STK32B: variants seen among roughly 807,000 people sequenced by gnomAD.
STK32B encodes the protein serine/threonine-protein kinase 32B.
A neutral mutation model predicts 52.6 loss-of-function variants in STK32B; 43 were observed. That is an observed-to-expected ratio of 0.82 (90% CI 0.64 to 1.05). STK32B has a LOEUF of 1.05. Ranked by LOEUF, STK32B falls within the 50% of genes least tolerant of loss-of-function variation. The pLI, the probability that STK32B is intolerant of heterozygous loss-of-function variation, is 0.00. For synonymous variants in STK32B, 238 were observed against 204.3 expected (o/e 1.17, Z -1.41); for missense variants, 621 against 534.6 (o/e 1.16, Z -1.59).
chr4:5,138,653 G>T (rs1716222011), intron 1 of STK32B, among the ~76,000 whole-genome samples: 1 of 152,184 alleles, frequency 6.6e-6, no homozygotes. Flanking sequence ...TTAGAGTCTA[G>T]TAGGGAAAAG....
chr4:5,449,976 A>G (rs916223281), intron 7 of STK32B, among the ~76,000 whole-genome samples: 4 of 152,162 alleles, frequency 2.6e-5, no homozygotes, highest in Admixed American at 6.5e-5. Flanking sequence ...GTGTAGAATA[A>G]ATGTAATGCA....
In STK32B at chr4:5,457,620, C is replaced by T. The variant is rs148702857; in HGVS notation, c.783+697C>T. On this transcript the variant is annotated intron_variant, in intron 8 of 11. Coordinates refer to ENST00000282908, the MANE Select transcript of STK32B (RefSeq NM_018401.3). ...CAGTGTCTCACGCCTGTAATTCCAG[C>T]ACTTTGGGAGGCTGAGGTGGGTGGA... is the stretch of plus-strand genomic sequence containing the variant. Among the ~76,000 whole-genome samples, 872 of 151,392 alleles carry T rather than the reference C, an allele frequency of 5.8e-3. 17 individuals are homozygous for T. The highest frequency in any genetic ancestry group is 0.036 in the Admixed American group (548 of 15,230).
chr4:5,292,806 G>A (rs1577303098), intron 3 of STK32B, among the ~76,000 whole-genome samples: 1 of 151,936 alleles, frequency 6.6e-6, no homozygotes, highest in South Asian at 2.1e-4. Flanking sequence ...TAAGTTCTGG[G>A]ATACATGTGC....
Position 5,398,771 on chromosome 4 carries a change from C to G in STK32B, c.472+527C>G, listed in dbSNP as rs1737090643. Among the ~76,000 whole-genome samples the G allele has an allele frequency of 6.6e-6, 1 of 152,134 alleles. No individual in the cohort carries two copies. The highest frequency in any genetic ancestry group is 2.4e-5 in the African/African-American group (1 of 41,388). On this transcript the variant is annotated intron_variant, in intron 5 of 11. Transcript: ENST00000282908. The surrounding 1 kb of genome is among the most constrained non-coding windows in gnomAD (Gnocchi z 4.9). ...AAATTTCCTTTATGTGCACACAGAT[C>G]TCCTAGGCATCTTCTCAAACTGATT...
At chr4:5,249,489 T>G (rs9996822) in intron 3 of STK32B, among the ~76,000 whole-genome samples, 2 of 123,000 alleles carry the variant, frequency 1.6e-5, no homozygotes, top group African/African-American at 7.2e-5. Context: ...CTTCCTTCCT[T>G]CCTTCCTTCC....
At chr4:5,171,366 A>G (rs1185531976) in intron 3 of STK32B, among the ~76,000 whole-genome samples, 1 of 151,592 alleles carries the variant, frequency 6.6e-6, no homozygotes, top group African/African-American at 2.4e-5. Flanking sequence ...GGTGTTTTAG[A>G]CATGAAGTCC....
chr4:5,284,649 G>GT (rs1728428955), intron 3 of STK32B, among the ~76,000 whole-genome samples: 1 of 151,636 alleles, frequency 6.6e-6, no homozygotes, highest in African/African-American at 2.4e-5. Flanking sequence ...AAAACTCACT[G>GT]TAACACATAC....
At chr4:5,332,305 C>T (rs758050056) in intron 4 of STK32B, among the ~76,000 whole-genome samples, 13 of 151,942 alleles carry the variant, frequency 8.6e-5, no homozygotes, top group Non-Finnish European at 1.6e-4. Flanking sequence ...GTAGAGTGAT[C>T]GATGACTTAG....
intron 3 of STK32B, among the ~76,000 whole-genome samples, chr4:5,176,664 A>G (rs1719928670): frequency 6.6e-6 from 1 of 151,856 alleles, no homozygotes; most frequent in African/African-American, 2.4e-5. Flanking sequence ...GGCTGGTCTC[A>G]AGCTCCTGAC....
At chr4:5,345,817 A>G (rs1368452191) in intron 4 of STK32B, among the ~76,000 whole-genome samples, 1 of 152,264 alleles carries the variant, frequency 6.6e-6, no homozygotes, top group African/African-American at 2.4e-5. Context: ...GAAACGTCAC[A>G]TGGATGACTC....
At chr4:5,374,780 G>GT (rs1177257337) in intron 4 of STK32B, among the ~76,000 whole-genome samples, 3 of 137,698 alleles carry the variant, frequency 2.2e-5, no homozygotes, top group African/African-American at 6.3e-5. Context: ...TGACGGGGGC[G>GT]GGGGGGGAAC....
In STK32B at chr4:5,398,413, A is replaced by G. The variant is rs1737062315; in HGVS notation, c.472+169A>G. ...CAACATCTGTGTAAATTTCTGGTCC[A>G]TGTCCTGCCGTGGTAAGTTGAATCA... On this transcript the variant is annotated intron_variant, in intron 5 of 11. Coordinates refer to ENST00000282908, the MANE Select transcript of STK32B (RefSeq NM_018401.3). The surrounding 1 kb of genome is among the most constrained non-coding windows in gnomAD (Gnocchi z 4.9). Among the ~76,000 whole-genome samples the G allele has an allele frequency of 1.3e-5, 2 of 152,140 alleles. No homozygotes were observed. Among genetic ancestry groups the G allele is most frequent in the Non-Finnish European group, 1.5e-5 (1 of 68,034 alleles).
At chr4:5,358,226 T>C (rs77273434) in intron 4 of STK32B, among the ~76,000 whole-genome samples, 2 of 152,272 alleles carry the variant, frequency 1.3e-5, no homozygotes, top group African/African-American at 2.4e-5. Flanking sequence ...ATTTTGGAAA[T>C]AGGGACTTGG....
chr4:5,365,014 T>C (rs1387694820), intron 4 of STK32B, among the ~76,000 whole-genome samples: 2 of 152,164 alleles, frequency 1.3e-5, no homozygotes, highest in African/African-American at 2.4e-5. Flanking sequence ...TAGCTGGGAT[T>C]ACAGGCATCC....
chr4:5,137,209 C>T (rs560934152), intron 1 of STK32B, among the ~76,000 whole-genome samples: 1 of 152,216 alleles, frequency 6.6e-6, no homozygotes, highest in South Asian at 2.1e-4. Context: ...TCATGCACTC[C>T]CTAATGCTGA....
intron 3 of STK32B, among the ~76,000 whole-genome samples, chr4:5,268,687 C>T (rs1223974172): frequency 1.3e-5 from 2 of 151,864 alleles, no homozygotes; most frequent in Admixed American, 6.6e-5. Flanking sequence ...ACCTTCTGTC[C>T]TGTTCACGAT....
intron 3 of STK32B, among the ~76,000 whole-genome samples, chr4:5,298,522 G>A (rs10213569): frequency 0.011 from 1,727 of 152,180 alleles, 22 homozygotes; most frequent in South Asian, 0.057. Context: ...TGGCTGCAGC[G>A]GCTTTGCTGT....
At chr4:5,169,645 G>T (rs1280972411) in intron 3 of STK32B, among the ~76,000 whole-genome samples, 1 of 152,136 alleles carries the variant, frequency 6.6e-6, no homozygotes, top group African/African-American at 2.4e-5. Context: ...TGGAGTCTCA[G>T]TATCCACCGA....
intron 3 of STK32B, among the ~76,000 whole-genome samples, chr4:5,257,148 T>G (rs1042732669): frequency 7.9e-5 from 12 of 152,112 alleles, no homozygotes; most frequent in African/African-American, 2.9e-4. Flanking sequence ...GGTGAATGAA[T>G]GAGCGGGCAA....
Sources: gnomAD v4.1 joint callset for allele counts (sites outside exome capture counted in the v4.1 genomes callset) on GRCh38, gnomAD v4.1.1 for gene constraint, Gnocchi (gnomAD v3.1) non-coding constraint, MANE v1.5 for transcripts, NCBI Gene and HGNC (gene_info 2026-07-23, HGNC 2026-07-21) for gene names.